Variants in FAM47E observed in about 807,000 individuals in gnomAD.
FAM47E encodes the protein family with sequence similarity 47 member E, also known as protein FAM47E.
FAM47E carries 32 observed loss-of-function variants against 41.6 expected under a neutral mutation model. The observed-to-expected ratio is 0.77, with a 90% confidence interval of 0.58 to 1.03. The LOEUF (loss-of-function observed/expected upper bound fraction) is 1.03, where lower values mean the gene tolerates loss of function less well. Among genes scored for constraint, FAM47E ranks in the 50% least tolerant of loss-of-function variants. FAM47E has a pLI of 0.00. For synonymous variants in FAM47E, 184 were observed against 188.7 expected (o/e 0.98, Z 0.20); for missense variants, 424 against 485.4 (o/e 0.87, Z 1.19).
At chr4:76,217,719 G>A in intron 2 of FAM47E, 1 of 542,174 alleles carries the variant, frequency 1.8e-6, no homozygotes, top group Non-Finnish European at 3.3e-6. Flanking sequence ...ACAGACAAGG[G>A]CGGAAAATGA....
intron 2 of FAM47E, among the ~76,000 whole-genome samples, chr4:76,221,861 A>T (rs538970461): frequency 6.6e-6 from 1 of 152,342 alleles, no homozygotes; most frequent in Non-Finnish European, 1.5e-5. Context: ...AGCGACACCC[A>T]GTTTACCTGT....
chr4:76,241,604 G>A lies in FAM47E; in HGVS notation c.82-22100G>A, dbSNP rs575422745. 2.0e-5 allele frequency among the ~76,000 whole-genome samples: 3 copies of A among 152,198 alleles called. No individual in the cohort carries two copies. In the South Asian group the frequency reaches 6.2e-4, roughly 32 times the overall value. Reference sequence around the variant, plus strand: ...CTGAAATTCACTGAAATTAACTGCAGCTTACTGTACAACTTTTCCCCTAGA... The same window carrying A: ...CTGAAATTCACTGAAATTAACTGCAACTTACTGTACAACTTTTCCCCTAGA... On this transcript the variant is annotated intron_variant, in intron 2 of 7. Coordinates refer to the FAM47E transcript ENST00000510197.
At chr4:76,276,583 G>A (rs1022077524) in intron 5 of FAM47E, among the ~76,000 whole-genome samples, 9 of 131,504 alleles carry the variant, frequency 6.8e-5, no homozygotes, top group South Asian at 2.5e-4. Context: ...GGCTGATCTC[G>A]AATTCCCAAC....
intron 2 of FAM47E, among the ~76,000 whole-genome samples, chr4:76,258,557 A>G (rs577082154): frequency 6.6e-6 from 1 of 152,314 alleles, no homozygotes; most frequent in South Asian, 2.1e-4. Context: ...AGGCCCAGAG[A>G]CATATTCCAT....
upstream of FAM47E, among the ~76,000 whole-genome samples, chr4:76,249,706 C>T (rs1050096684): frequency 1.3e-5 from 2 of 151,978 alleles, no homozygotes; most frequent in Non-Finnish European, 2.9e-5. Context: ...TATCCTTCCC[C>T]CCAAGTTCCC....
chr4:76,256,907 G>C lies in FAM47E; in HGVS notation c.420+384G>C, dbSNP rs542390033. ...GTCTTATTTTTGTCACTTTAGCCTG[G>C]TATTAGGAAGTGCCCTTAAATACTT... On this transcript the variant is annotated intron_variant, in intron 2 of 7. Transcript: ENST00000424749. 6.6e-5 allele frequency among the ~76,000 whole-genome samples: 10 copies of C among 152,236 alleles called. No individual in the cohort carries two copies. In the South Asian group the frequency reaches 8.3e-4, roughly 13 times the overall value.
At chr4:76,261,441 G>T (rs770179178) in intron 2 of FAM47E, among the ~76,000 whole-genome samples, 1 of 152,182 alleles carries the variant, frequency 6.6e-6, no homozygotes, top group Non-Finnish European at 1.5e-5. Context: ...ATCAATGATG[G>T]ATTGGGTAAA....
chr4:76,224,321 C>T (rs949618754), intron 2 of FAM47E, among the ~76,000 whole-genome samples: 1 of 152,160 alleles, frequency 6.6e-6, no homozygotes, highest in African/African-American at 2.4e-5. Flanking sequence ...ATCTTTATGA[C>T]AGGAGGTAGT....
At position 76,263,709 on chromosome 4, in the gene FAM47E, A is replaced by G; in HGVS notation, c.426A>G (p.Leu142=). The change falls in exon 3 of 8, where the codon TTA becomes TTG. Residue 142 remains leucine (L), a synonymous_variant. Coordinates refer to ENST00000424749, the MANE Select transcript of FAM47E (RefSeq NM_001136570.3). The part of the protein sequence containing the change: ...NLEEAMPIEL[L]SKVLEVLDPD... The stretch of plus-strand genomic sequence containing the variant: ...AGACTATTTTCTGTTTGTAGCTCTT[A>G]TCAAAGGTGCTGGAAGTGCTTGATC... 1 of 1,551,266 alleles carries G rather than the reference A, an allele frequency of 6.4e-7. No individual in the cohort carries two copies.
At chr4:76,224,988 A>G (rs1733370045) in intron 2 of FAM47E, among the ~76,000 whole-genome samples, 1 of 151,812 alleles carries the variant, frequency 6.6e-6, no homozygotes, top group Admixed American at 6.6e-5. Context: ...ATAGCTTAGC[A>G]TCTTATATGC....
At chr4:76,228,632 T>C (rs7675593) in intron 2 of FAM47E, among the ~76,000 whole-genome samples, 56,956 of 152,138 alleles carry the variant, frequency 0.37, 12,191 homozygotes, top group Non-Finnish European at 0.49. Context: ...GGATAAACTA[T>C]TCTTGGCTGC....
intron 3 of FAM47E, chr4:76,268,320 T>G (rs890490106): frequency 4.9e-6 from 1 of 202,214 alleles, no homozygotes; most frequent in African/African-American, 2.4e-5. Flanking sequence ...CTCCTACTTG[T>G]CAAGGTTGCC....
intron 2 of FAM47E, among the ~76,000 whole-genome samples, chr4:76,258,273 C>G (rs150771044): frequency 6.6e-6 from 1 of 152,270 alleles, no homozygotes; most frequent in African/African-American, 2.4e-5. Flanking sequence ...TTTGCATGAT[C>G]CCAGAAAACT....
At chr4:76,267,076 G>A (rs1275936869) in intron 3 of FAM47E, among the ~76,000 whole-genome samples, 3 of 152,132 alleles carry the variant, frequency 2.0e-5, no homozygotes, top group Admixed American at 6.5e-5. Flanking sequence ...CCCGGCATAT[G>A]TTTGTTTACT....
At chr4:76,224,287 C>T (rs1050407392) in intron 2 of FAM47E, among the ~76,000 whole-genome samples, 1 of 152,180 alleles carries the variant, frequency 6.6e-6, no homozygotes. Context: ...TGCCTTTATC[C>T]GAAGGAAAAA....
At chr4:76,276,368 G>GTTTTTTTTGTTTTTTTTGTTTTT (rs1553957220) in intron 5 of FAM47E, among the ~76,000 whole-genome samples, 3 of 149,938 alleles carry the variant, frequency 2.0e-5, no homozygotes, top group Non-Finnish European at 3.0e-5. Flanking sequence ...TTTTTTGTTT[G>GTTTTTTTTGTTTTTTTTGTTTTT]TTTGTTTTTT....
At chr4:76,233,694 T>C (rs1398768975) in intron 2 of FAM47E, among the ~76,000 whole-genome samples, 2 of 152,044 alleles carry the variant, frequency 1.3e-5, no homozygotes, top group Non-Finnish European at 2.9e-5. Context: ...GAGACAGGGC[T>C]AGGAAAACAT....
At chr4:76,279,923 C>A in intron 6 of FAM47E, 1 of 180,106 alleles carries the variant, frequency 5.6e-6, no homozygotes, top group Non-Finnish European at 1.2e-5. Flanking sequence ...ATTTGATTGT[C>A]CTGTCCTTTG....
intron 5 of FAM47E, 64 bp from the exon 6 acceptor site, chr4:76,278,005 A>G (rs1435496010): frequency 5.7e-6 from 8 of 1,412,530 alleles, no homozygotes; most frequent in Non-Finnish European, 5.5e-6. Flanking sequence ...GCTAAGCTTT[A>G]GATTTTTGAA....
Sources: gnomAD v4.1 joint callset for allele counts (sites outside exome capture counted in the v4.1 genomes callset) on GRCh38, gnomAD v4.1.1 for gene constraint, MANE v1.5 for transcripts, NCBI Gene and HGNC (gene_info 2026-07-23, HGNC 2026-07-21) for gene names.